The following NDUFA10 variants were observed in gnomAD, a reference collection of about 807,000 sequenced individuals.
The protein encoded by NDUFA10 is NADH:ubiquinone oxidoreductase subunit A10.
A neutral mutation model predicts 47.8 loss-of-function variants in NDUFA10; 40 were observed. The ratio of observed to expected loss-of-function variants is 0.84; its 90% confidence interval spans 0.65 to 1.09. NDUFA10 has a LOEUF of 1.09. NDUFA10 is among the 50% of genes least tolerant of loss of function. NDUFA10 has a pLI of 0.00. For synonymous variants in NDUFA10, 183 were observed against 172.2 expected (o/e 1.06, Z -0.49); for missense variants, 413 against 451.1 (o/e 0.92, Z 0.76).
intron 4 of NDUFA10, among the ~76,000 whole-genome samples, chr2:239,910,098 T>C: frequency 6.6e-6 from 1 of 152,174 alleles, no homozygotes; most frequent in East Asian, 1.9e-4. Flanking sequence ...GTAAAAGGAA[T>C]GCTTTGACAC....
intron 4 of NDUFA10, among the ~76,000 whole-genome samples, chr2:239,913,796 T>C (rs1490845252): frequency 1.3e-5 from 2 of 152,234 alleles, no homozygotes; most frequent in African/African-American, 2.4e-5. Context: ...GCAGGCTGCA[T>C]GTTCCAGCAC....
chr2:239,913,935 C>A (rs1429302264), intron 4 of NDUFA10, among the ~76,000 whole-genome samples: 1 of 152,210 alleles, frequency 6.6e-6, no homozygotes, highest in East Asian at 1.9e-4. Context: ...CAGTTTCTCC[C>A]ACTCTCTGGT....
chr2:240,002,330 CAAAAAAAAAAAAA>C lies in NDUFA10; in HGVS notation c.890+2867_890+2879del, dbSNP rs61475593. 7.5e-3 allele frequency among the ~76,000 whole-genome samples: 626 copies of C among 83,780 alleles called. 8 individuals are homozygous for C. The highest frequency in any genetic ancestry group is 0.033 in the African/African-American group (586 of 17,582). The allele number at this position is 83,780 out of a possible 152,430, so 55.0% of individuals were successfully genotyped here. On this transcript the variant is annotated intron_variant, in intron 8 of 9. Coordinates refer to ENST00000252711, the MANE Select transcript of NDUFA10 (RefSeq NM_004544.4). ...GGGCAACAAGAGCAAAACTCTGACT[CAAAAAAAAAAAAA>C]AAAAAAAAAAAAAGACAAGGAAAGC...
intron 4 of NDUFA10, among the ~76,000 whole-genome samples, chr2:239,946,606 A>C (rs561553101): frequency 6.8e-4 from 103 of 152,330 alleles, no homozygotes; most frequent in African/African-American, 2.4e-3. Context: ...GCTCCAGCTC[A>C]TCTCGATGAA....
At chr2:240,004,016 C>T (rs1295579526) in intron 8 of NDUFA10, among the ~76,000 whole-genome samples, 1 of 152,186 alleles carries the variant, frequency 6.6e-6, no homozygotes, top group Non-Finnish European at 1.5e-5. Context: ...CCTCAAGAAA[C>T]TGAATTCAAC....
At chr2:239,973,595 G>T in intron 9 of NDUFA10, 1 of 469,846 alleles carries the variant, frequency 2.1e-6, no homozygotes, top group South Asian at 1.6e-5. Flanking sequence ...AGGAGGGAAC[G>T]ATCAGCTTCA....
intron 9 of NDUFA10, among the ~76,000 whole-genome samples, chr2:239,967,096 A>C (rs1472116485): frequency 2.0e-5 from 3 of 152,156 alleles, no homozygotes; most frequent in African/African-American, 7.2e-5. Context: ...GCTTGAGATA[A>C]ATTTCTAGAA....
intron 4 of NDUFA10, among the ~76,000 whole-genome samples, chr2:239,918,702 G>A (rs1420392709): frequency 6.6e-6 from 1 of 152,212 alleles, no homozygotes. Flanking sequence ...GGGTAGGGGT[G>A]GAGTTGGTGC....
intron 4 of NDUFA10, among the ~76,000 whole-genome samples, chr2:239,937,353 C>T (rs1175920750): frequency 6.6e-6 from 1 of 152,206 alleles, no homozygotes; most frequent in Non-Finnish European, 1.5e-5. Flanking sequence ...GCCTCATGCC[C>T]ATGGACAGTC....
At chr2:239,937,121 C>T (rs916736953) in intron 4 of NDUFA10, among the ~76,000 whole-genome samples, 1 of 152,202 alleles carries the variant, frequency 6.6e-6, no homozygotes, top group Non-Finnish European at 1.5e-5. Context: ...CCCAGAGACG[C>T]TCACCGCACA....
intron 9 of NDUFA10, among the ~76,000 whole-genome samples, chr2:239,967,954 C>G (rs553903156): frequency 7.1e-6 from 1 of 140,808 alleles, no homozygotes; most frequent in Non-Finnish European, 1.5e-5. Context: ...GCTGTTCGCA[C>G]AGAAATCAGT....
chr2:239,900,470 T>A (rs1693523680), intron 4 of NDUFA10, among the ~76,000 whole-genome samples: 1 of 152,068 alleles, frequency 6.6e-6, no homozygotes, highest in South Asian at 2.1e-4. Flanking sequence ...ACTCCTCTGC[T>A]TATCTTTGTC....
chr2:240,022,715 G>A (rs1463351040), intron 1 of NDUFA10, among the ~76,000 whole-genome samples: 3 of 152,104 alleles, frequency 2.0e-5, no homozygotes, highest in African/African-American at 7.2e-5. Context: ...AAGCTCAGGA[G>A]TGAAGGGAAG....
rs2106468384 is a variant in NDUFA10 at position 239,906,555 on chromosome 2, A to G, written c.295-11241T>C. On this transcript the variant is annotated intron_variant, in intron 4 of 5. Coordinates refer to the NDUFA10 transcript ENST00000419408. The surrounding 1 kb of genome is among the most constrained non-coding windows in gnomAD (Gnocchi z 4.3). ...ACAACATGAAGAGGACCTGTTGCTA[A>G]AACACAGAGGACAGCCCAAGATTTA... Among the ~76,000 whole-genome samples, 1 of 152,316 alleles carries G rather than the reference A, an allele frequency of 6.6e-6. No individual in the cohort carries two copies. The highest frequency in any genetic ancestry group is 1.9e-4 in the East Asian group (1 of 5,164).
chr2:240,021,259 G>A lies in NDUFA10; in HGVS notation c.398C>T (p.Ser133Phe). The A allele has an allele frequency of 6.2e-7, 1 of 1,614,218 alleles. No individual in the cohort carries two copies. Among genetic ancestry groups the A allele is most frequent in the East Asian group, 2.2e-5 (1 of 44,872 alleles). Residue 133 changes from serine (S) to phenylalanine (F), a missense_variant, in exon 3 of 10, where the codon TCC becomes TTC. Physicochemically the swap from Ser to Phe is radical, Grantham distance 155. Transcript: ENST00000252711. ...CAGCAGGCGACTGCTGTACAACCAG[G>A]ACTGCAGGCGGTAACTGTTGCCATC... ...SNDGNSYRLQ[S>F]WLYSSRLLQY...
chr2:239,902,103 A>T (rs1219482714), intron 4 of NDUFA10, among the ~76,000 whole-genome samples: 1 of 152,226 alleles, frequency 6.6e-6, no homozygotes, highest in Non-Finnish European at 1.5e-5. Flanking sequence ...TTAATAAAGC[A>T]GTGGCAGGGA....
At chr2:239,993,273 C>T (rs1296002746) in intron 8 of NDUFA10, among the ~76,000 whole-genome samples, 1 of 152,212 alleles carries the variant, frequency 6.6e-6, no homozygotes, top group East Asian at 1.9e-4. Context: ...GACACAATCC[C>T]TTGTCTCCGT....
rs900622043 is a variant in NDUFA10, at chr2:239,987,326, C to T, written c.999+2748G>A. Reference sequence around the variant, plus strand: ...GATTCTCAAACCAGGCGCTGTGCATCGACAGGAGGACTCGCTCGAATGCGT... The same window carrying T: ...GATTCTCAAACCAGGCGCTGTGCATTGACAGGAGGACTCGCTCGAATGCGT... On this transcript the variant is annotated intron_variant, in intron 9 of 9. Transcript: ENST00000252711. The surrounding 1 kb of genome is among the most constrained non-coding windows in gnomAD (Gnocchi z 4.8). Among the ~76,000 whole-genome samples, 6 of 151,980 alleles carry T rather than the reference C, an allele frequency of 3.9e-5. No individual in the cohort carries two copies. Among genetic ancestry groups the T allele is most frequent in the Admixed American group, 6.6e-5 (1 of 15,266 alleles).
At chr2:239,921,296 T>C (rs1310451469) in intron 4 of NDUFA10, among the ~76,000 whole-genome samples, 1 of 130,246 alleles carries the variant, frequency 7.7e-6, no homozygotes, top group African/African-American at 2.5e-5. Flanking sequence ...ACCTTTGCCA[T>C]GAGTGTTATA....
Sources: gnomAD v4.1 joint callset for allele counts (sites outside exome capture counted in the v4.1 genomes callset) on GRCh38, gnomAD v4.1.1 for gene constraint, Gnocchi (gnomAD v3.1) non-coding constraint, MANE v1.5 for transcripts, NCBI Gene and HGNC (gene_info 2026-07-23, HGNC 2026-07-21) for gene names.